The following STX18 variants were observed in gnomAD, a reference collection of about 807,000 sequenced individuals.
STX18 encodes syntaxin 18, also known as syntaxin-18.
STX18 carries 40 observed loss-of-function variants against 50.1 expected under a neutral mutation model. The ratio of observed to expected loss-of-function variants is 0.80; its 90% confidence interval spans 0.62 to 1.04. The LOEUF (loss-of-function observed/expected upper bound fraction) is 1.04. Among genes scored for constraint, STX18 ranks in the 50% least tolerant of loss-of-function variants. The pLI, the probability that STX18 is intolerant of heterozygous loss-of-function variation, is 0.00. For synonymous variants in STX18, 158 were observed against 151.8 expected (o/e 1.04, Z -0.30); for missense variants, 410 against 415.8 (o/e 0.99, Z 0.12).
chr4:4,424,393 GA>G lies in STX18; in HGVS notation c.761+770del, dbSNP rs992816549. On this transcript the variant is annotated intron_variant, in intron 8 of 10. Transcript: ENST00000306200. ...ATCACAGTGGCAGGGGGCAGGGGAG[GA>G]GATGTGGGAAGAAAAGCCAGTGAGT... 8.3e-4 allele frequency among the ~76,000 whole-genome samples: 126 copies of G among 151,868 alleles called. 1 individual carries two copies. Among genetic ancestry groups the G allele is most frequent in the Non-Finnish European group, 1.4e-3 (95 of 67,946 alleles).
chr4:4,419,852 T>A lies in STX18; in HGVS notation c.*182A>T. 1.7e-6 allele frequency: 1 copy of A among 580,936 alleles called. No homozygotes were observed. Among genetic ancestry groups the A allele is most frequent in the South Asian group, 2.1e-5 (1 of 48,342 alleles). The allele number at this position is 580,936 out of a possible 1,614,324, so 36.0% of individuals were successfully genotyped here. A position where few individuals can be genotyped will look rare whatever the true frequency, so the allele number is the denominator to read the frequency against. ...TTTCCTTTTTCAGCTGCTAAATGGC[T>A]GAACACCATCGGCCTGGGGTATCCC... is the stretch of plus-strand genomic sequence containing the variant. On this transcript the variant is annotated 3_prime_UTR_variant, in exon 11 of 11. Coordinates refer to ENST00000306200, the MANE Select transcript of STX18 (RefSeq NM_016930.4).
chr4:4,448,198 C>T, intron 5 of STX18, among the ~76,000 whole-genome samples: 1 of 152,208 alleles, frequency 6.6e-6, no homozygotes, highest in East Asian at 1.9e-4. Flanking sequence ...CTGTAAATCC[C>T]ATGGCAGTCT....
chr4:4,451,685 T>G (rs905074601), intron 5 of STX18, among the ~76,000 whole-genome samples: 7 of 152,232 alleles, frequency 4.6e-5, no homozygotes, highest in Non-Finnish European at 1.0e-4. Flanking sequence ...CACGTTCACA[T>G]AAGACAGCGT....
At chr4:4,490,769 T>C (rs895653978) in intron 1 of STX18, among the ~76,000 whole-genome samples, 1 of 152,180 alleles carries the variant, frequency 6.6e-6, no homozygotes, top group African/African-American at 2.4e-5. Flanking sequence ...CCAAAGTCTT[T>C]GTTTCAAATC....
At chr4:4,478,336 A>G (rs1257973809) in intron 1 of STX18, among the ~76,000 whole-genome samples, 9 of 152,164 alleles carry the variant, frequency 5.9e-5, no homozygotes, top group Non-Finnish European at 1.0e-4. Context: ...GCAAGCCCAT[A>G]GGGGTATTGA....
intron 6 of STX18, among the ~76,000 whole-genome samples, chr4:4,435,211 C>T (rs1725714074): frequency 6.6e-6 from 1 of 152,100 alleles, no homozygotes; most frequent in African/African-American, 2.4e-5. Flanking sequence ...TACTTCAAGA[C>T]ACATACACCC....
chr4:4,533,432 A>G (rs1010860383), intron 1 of STX18, among the ~76,000 whole-genome samples: 5 of 151,976 alleles, frequency 3.3e-5, no homozygotes, highest in African/African-American at 9.7e-5. Flanking sequence ...ACTCAATAAT[A>G]TATTTCTATC....
intron 1 of STX18, among the ~76,000 whole-genome samples, chr4:4,490,027 C>T (rs1728873448): frequency 6.6e-6 from 1 of 152,108 alleles, no homozygotes; most frequent in African/African-American, 2.4e-5. Flanking sequence ...AAACACCATA[C>T]ATACAAAAAA....
intron 1 of STX18, among the ~76,000 whole-genome samples, chr4:4,534,913 G>A (rs1043298010): frequency 1.3e-5 from 2 of 152,230 alleles, no homozygotes; most frequent in East Asian, 1.9e-4. Flanking sequence ...TTTGGCCTGT[G>A]GGCCAGTTTG....
At position 4,462,225 on chromosome 4, in the gene STX18, A is replaced by G. The variant is rs528988175; in HGVS notation, c.237-2738T>C. Among the ~76,000 whole-genome samples the G allele has an allele frequency of 3.9e-5, 6 of 152,240 alleles. No individual in the cohort carries two copies. The South Asian group carries it at 1.2e-3, about 32-fold the overall frequency. On this transcript the variant is annotated intron_variant, in intron 2 of 10. Coordinates refer to ENST00000306200, the MANE Select transcript of STX18 (RefSeq NM_016930.4). ...GAGGTGGGTTTTGTCTTGTTCAATA[A>G]CCAACACCCTCCAACCCCCTGCAAC...
chr4:4,446,904 C>T (rs531760018), intron 5 of STX18, among the ~76,000 whole-genome samples: 3 of 152,330 alleles, frequency 2.0e-5, no homozygotes, highest in African/African-American at 7.2e-5. Context: ...TGTCCACCAA[C>T]AGGATGGATA....
chr4:4,519,682 A>G (rs1452806342), intron 1 of STX18, among the ~76,000 whole-genome samples: 1 of 152,224 alleles, frequency 6.6e-6, no homozygotes, highest in Non-Finnish European at 1.5e-5. Context: ...GACTAGTTCA[A>G]ATGGTGTAGT....
chr4:4,484,812 T>C (rs1452308911), intron 1 of STX18, among the ~76,000 whole-genome samples: 1 of 152,228 alleles, frequency 6.6e-6, no homozygotes, highest in African/African-American at 2.4e-5. Context: ...CGGTTAATAA[T>C]GACTACTTTC....
At chr4:4,503,888 T>C (rs1195276031) in intron 1 of STX18, among the ~76,000 whole-genome samples, 1 of 152,184 alleles carries the variant, frequency 6.6e-6, no homozygotes, top group African/African-American at 2.4e-5. Context: ...AAATGTCAAG[T>C]TTTATAGCAC....
intron 1 of STX18, among the ~76,000 whole-genome samples, chr4:4,490,578 T>G (rs1577369804): frequency 6.6e-6 from 1 of 152,166 alleles, no homozygotes; most frequent in East Asian, 1.9e-4. Flanking sequence ...AGCTTAAAAT[T>G]TATTGGAAAC....
intron 1 of STX18, among the ~76,000 whole-genome samples, chr4:4,538,770 T>G (rs1313356507): frequency 6.6e-6 from 1 of 152,140 alleles, no homozygotes; most frequent in Admixed American, 6.5e-5. Flanking sequence ...GAAGCGAGAT[T>G]TGAACCCAAG....
intron 9 of STX18, among the ~76,000 whole-genome samples, chr4:4,421,478 C>T (rs1429106345): frequency 2.0e-5 from 3 of 152,146 alleles, no homozygotes; most frequent in Non-Finnish European, 2.9e-5. Flanking sequence ...TGGTCTTGAA[C>T]TCTTGAGCTC....
intron 1 of STX18, among the ~76,000 whole-genome samples, chr4:4,496,594 G>GA (rs1255235757): frequency 6.6e-6 from 1 of 152,176 alleles, no homozygotes; most frequent in African/African-American, 2.4e-5. Context: ...CGCTAAGGAG[G>GA]AAAAGCTGAG....
In STX18 at chr4:4,420,184, A is replaced by G; in HGVS notation, c.913-55T>C. ...TATCACACAGGATTTTGGTTTGAGC[A>G]GCCCTGAAATGCCCCCCTCTTCCCA... On this transcript the variant is annotated intron_variant, in intron 10 of 10. Coordinates refer to ENST00000306200, the MANE Select transcript of STX18 (RefSeq NM_016930.4). The surrounding 1 kb of genome is among the most constrained non-coding windows in gnomAD (Gnocchi z 4.3). 6.8e-7 allele frequency: 1 copy of G among 1,470,508 alleles called. No individual in the cohort carries two copies. Among genetic ancestry groups the G allele is most frequent in the East Asian group, 2.4e-5 (1 of 40,950 alleles). 91.1% of individuals were successfully genotyped at this position (1,470,508 alleles called of 1,614,324 possible).
Sources: allele counts gnomAD v4.1 joint callset (sites outside exome capture counted in the v4.1 genomes callset), GRCh38; gene constraint gnomAD v4.1.1; non-coding constraint Gnocchi (gnomAD v3.1); transcripts MANE v1.5; gene names NCBI Gene and HGNC (gene_info 2026-07-23, HGNC 2026-07-21).